Variants in GRK3 observed in about 807,000 individuals in gnomAD.
GRK3 encodes G protein-coupled receptor kinase 3, also known as adrenergic, beta, receptor kinase 2.
GRK3 carries 54 observed loss-of-function variants against 95.7 expected under a neutral mutation model. The ratio of observed to expected loss-of-function variants is 0.56; its 90% CI spans 0.45 to 0.71. GRK3 has a LOEUF of 0.71. Ranked by LOEUF, GRK3 falls within the 30% of genes least tolerant of loss-of-function variation. The probability of loss-of-function intolerance (pLI) is 0.00; values close to 1 mark genes in which losing one functional copy is unlikely to be tolerated. For synonymous variants in GRK3, 281 were observed against 290.8 expected (o/e 0.97, Z 0.34); for missense variants, 649 against 851.2 (o/e 0.76, Z 2.96).
Position 25,677,377 on chromosome 22 carries a change from TAAAAAAA to T in GRK3, c.648-1421_648-1415del, listed in dbSNP as rs376997700. On this transcript the variant is annotated intron_variant, in intron 8 of 20. Transcript: ENST00000324198. ...GGCAACAGAATGAGACCCCATATCT[TAAAAAAA>T]AAAAAAAAAAAAAAAAAGAAAAGGA... is the stretch of plus-strand genomic sequence containing the variant. Among the ~76,000 whole-genome samples the T allele has an allele frequency of 3.1e-4, 13 of 42,564 alleles. No individual in the cohort carries two copies. The East Asian group carries it at 5.8e-3, about 19-fold the overall frequency. 27.9% of individuals were successfully genotyped at this position (42,564 alleles called of 152,430 possible).
chr22:25,692,344 G>A (rs2085171631), intron 12 of GRK3, among the ~76,000 whole-genome samples: 1 of 152,186 alleles, frequency 6.6e-6, no homozygotes, highest in Non-Finnish European at 1.5e-5. Context: ...ATCTGGGTTT[G>A]GGTTCTTCTT....
intron 18 of GRK3, among the ~76,000 whole-genome samples, chr22:25,717,071 C>T (rs972561272): frequency 1.3e-5 from 2 of 152,170 alleles, no homozygotes; most frequent in African/African-American, 2.4e-5. Context: ...CAAGAAGGTT[C>T]GGGACCACTG....
chr22:25,625,074 G>A (rs2084617143), intron 2 of GRK3, among the ~76,000 whole-genome samples: 1 of 151,842 alleles, frequency 6.6e-6, no homozygotes, highest in African/African-American at 2.4e-5. Flanking sequence ...CTGCCACCAC[G>A]CCTGTCTAAT....
intron 2 of GRK3, among the ~76,000 whole-genome samples, chr22:25,636,804 G>A (rs141558765): frequency 8.6e-4 from 130 of 152,040 alleles, no homozygotes; most frequent in African/African-American, 2.8e-3. Flanking sequence ...ATAGAATTAC[G>A]CAGCATATAC....
intron 1 of GRK3, among the ~76,000 whole-genome samples, chr22:25,567,384 T>G (rs1440306588): frequency 6.6e-6 from 1 of 152,204 alleles, no homozygotes; most frequent in Admixed American, 6.5e-5. Context: ...GATTATCAGG[T>G]ATAACATCTT....
At chr22:25,617,934 G>A (rs1234773669) in intron 2 of GRK3, among the ~76,000 whole-genome samples, 4 of 152,132 alleles carry the variant, frequency 2.6e-5, no homozygotes, top group East Asian at 1.9e-4. Context: ...TTGCCACCAC[G>A]CCTGGCTAAT....
intron 8 of GRK3, among the ~76,000 whole-genome samples, chr22:25,678,494 C>T (rs1241911828): frequency 6.6e-6 from 1 of 152,132 alleles, no homozygotes; most frequent in Admixed American, 6.5e-5. Flanking sequence ...TTGACCATTG[C>T]TGAATTCACA....
chr22:25,592,202 T>A (rs957494914), intron 1 of GRK3, among the ~76,000 whole-genome samples: 1 of 152,252 alleles, frequency 6.6e-6, no homozygotes, highest in Non-Finnish European at 1.5e-5. Flanking sequence ...TGGAATCTTC[T>A]TGTGATTTTA....
At chr22:25,655,753 C>T (rs1011299571) in intron 3 of GRK3, among the ~76,000 whole-genome samples, 1 of 152,166 alleles carries the variant, frequency 6.6e-6, no homozygotes, top group African/African-American at 2.4e-5. Flanking sequence ...CAAATGCAGA[C>T]ACTGTCCCTG....
chr22:25,663,389 G>A (rs2084921899), intron 4 of GRK3, among the ~76,000 whole-genome samples: 2 of 152,138 alleles, frequency 1.3e-5, no homozygotes, highest in Non-Finnish European at 2.9e-5. Context: ...ATTGCATAAT[G>A]TCAGCCCCTG....
chr22:25,648,111 C>T, intron 3 of GRK3: 1 of 586,540 alleles, frequency 1.7e-6, no homozygotes. Flanking sequence ...AGCAAAAACT[C>T]CGTCTAAAAA....
intron 1 of GRK3, among the ~76,000 whole-genome samples, chr22:25,592,370 G>A (rs546288613): frequency 6.6e-6 from 1 of 152,104 alleles, no homozygotes; most frequent in Admixed American, 6.5e-5. Context: ...ATTTATGTTG[G>A]GTACAGATCT....
chr22:25,715,752 A>G (rs937739844), intron 18 of GRK3, among the ~76,000 whole-genome samples: 3 of 152,188 alleles, frequency 2.0e-5, no homozygotes, highest in Admixed American at 2.0e-4. Context: ...GGTTAACCTT[A>G]TGTAACAAGA....
At chr22:25,664,534 T>C (rs1601511154) in intron 5 of GRK3, among the ~76,000 whole-genome samples, 2 of 149,282 alleles carry the variant, frequency 1.3e-5, no homozygotes, top group East Asian at 3.9e-4. Context: ...TTTTTTTTTT[T>C]TTTTGAGACA....
chr22:25,567,999 C>G (rs889563757), intron 1 of GRK3, among the ~76,000 whole-genome samples: 1 of 152,198 alleles, frequency 6.6e-6, no homozygotes, highest in Non-Finnish European at 1.5e-5. Context: ...CCAATGAGTG[C>G]AAATCCTGGA....
intron 3 of GRK3, among the ~76,000 whole-genome samples, chr22:25,645,535 G>C (rs1415938083): frequency 6.6e-6 from 1 of 152,206 alleles, no homozygotes; most frequent in Non-Finnish European, 1.5e-5. Flanking sequence ...AGGCCAAAGA[G>C]CTAAGCTGAA....
At chr22:25,611,701 A>G (rs1320309099) in intron 2 of GRK3, among the ~76,000 whole-genome samples, 2 of 152,164 alleles carry the variant, frequency 1.3e-5, no homozygotes, top group Admixed American at 6.5e-5. Context: ...ATGATTTACA[A>G]ATGTTTTCTT....
intron 1 of GRK3, among the ~76,000 whole-genome samples, chr22:25,591,511 C>G (rs1326265407): frequency 2.0e-5 from 3 of 152,068 alleles, no homozygotes; most frequent in Non-Finnish European, 4.4e-5. Context: ...CTTCCTCTGG[C>G]AACAAGCCCC....
intron 9 of GRK3, among the ~76,000 whole-genome samples, chr22:25,684,313 C>G (rs1029178431): frequency 2.6e-5 from 4 of 152,126 alleles, no homozygotes; most frequent in Non-Finnish European, 5.9e-5. Flanking sequence ...TGTTTGTATT[C>G]AAGAATATTG....
Sources: allele counts gnomAD v4.1 joint callset (sites outside exome capture counted in the v4.1 genomes callset), GRCh38; gene constraint gnomAD v4.1.1; transcripts MANE v1.5; gene names NCBI Gene and HGNC (gene_info 2026-07-23, HGNC 2026-07-21).